The following RIMS1 variants were observed in gnomAD, a reference collection of about 807,000 sequenced individuals.
RIMS1 encodes the protein regulating synaptic membrane exocytosis protein 1.
A neutral mutation model predicts 214.1 loss-of-function variants in RIMS1; 83 were observed. The ratio of observed to expected loss-of-function variants is 0.39; its 90% CI spans 0.32 to 0.47. The LOEUF is 0.47. Ranked by LOEUF, RIMS1 falls within the 20% of genes least tolerant of loss-of-function variation. The pLI is 0.99. For missense variants in RIMS1, 2,050 were observed against 2,161.8 expected (o/e 0.95, Z 1.03); for synonymous variants, 793 against 786.8 (o/e 1.01, Z -0.13).
intron 26 of RIMS1, among the ~76,000 whole-genome samples, chr6:72,298,732 A>G: frequency 6.6e-6 from 1 of 151,962 alleles, no homozygotes; most frequent in East Asian, 1.9e-4. Context: ...ACCACTCAGC[A>G]CTGGGATTTT....
intron 29 of RIMS1, among the ~76,000 whole-genome samples, chr6:72,376,723 G>A (rs2098391784): frequency 6.6e-6 from 1 of 150,956 alleles, no homozygotes; most frequent in South Asian, 2.1e-4. Context: ...CTCCAGCCTG[G>A]GTGACAGAGA....
intron 6 of RIMS1, among the ~76,000 whole-genome samples, chr6:72,196,775 T>C (rs1446788804): frequency 6.6e-6 from 1 of 151,818 alleles, no homozygotes; most frequent in Non-Finnish European, 1.5e-5. Flanking sequence ...GAATATAGCG[T>C]GCTTTTCCAC....
intron 1 of RIMS1, among the ~76,000 whole-genome samples, chr6:71,917,665 G>C (rs140491131): frequency 1.8e-4 from 27 of 152,240 alleles, no homozygotes; most frequent in Non-Finnish European, 3.8e-4. Flanking sequence ...GATTCTGTCT[G>C]AAGAATATAC....
intron 2 of RIMS1, among the ~76,000 whole-genome samples, chr6:72,029,642 G>A (rs1173627896): frequency 6.6e-6 from 1 of 152,124 alleles, no homozygotes; most frequent in Admixed American, 6.6e-5. Flanking sequence ...ATTTTGTTAT[G>A]GAAGTCTGAA....
At chr6:72,288,862 T>C (rs2092851175) in intron 24 of RIMS1, among the ~76,000 whole-genome samples, 1 of 149,128 alleles carries the variant, frequency 6.7e-6, no homozygotes, top group Non-Finnish European at 1.5e-5. Flanking sequence ...TCTTTTATTA[T>C]TGAGGGACTT....
intron 2 of RIMS1, among the ~76,000 whole-genome samples, chr6:72,069,345 A>G (rs1830064990): frequency 6.6e-6 from 1 of 152,230 alleles, no homozygotes; most frequent in Admixed American, 6.5e-5. Context: ...CTGAACAGTC[A>G]GGGAGCTAAC....
intron 1 of RIMS1, among the ~76,000 whole-genome samples, chr6:71,905,595 G>A (rs1424529339): frequency 6.6e-6 from 1 of 151,498 alleles, no homozygotes; most frequent in Non-Finnish European, 1.5e-5. Context: ...TAAGCTACCT[G>A]TTTCCAAAAA....
chr6:72,129,546 T>A (rs2040122120), intron 4 of RIMS1, among the ~76,000 whole-genome samples: 3 of 152,150 alleles, frequency 2.0e-5, no homozygotes, highest in Admixed American at 2.0e-4. Flanking sequence ...TAGTAAGAAA[T>A]TTCTAACGTC....
chr6:72,274,431 A>G lies in RIMS1; in HGVS notation c.3481A>G (p.Arg1161Gly). Residue 1161 changes from arginine to glycine, a missense_variant and splice_region_variant, in exon 23 of 34, where the codon AGG (arginine) becomes GGG (glycine). By Grantham distance (125) the Arg-to-Gly change is moderately radical. Coordinates refer to ENST00000521978, the MANE Select transcript of RIMS1 (RefSeq NM_014989.7). ...QIQHASPEND[R>G]HSRKSERSSI... ...CCAGCATGCGTCTCCGGAGAATGAC[A>G]GGTACTAGTCAACTCCTCCTCACAG... The G allele has an allele frequency of 6.2e-7, 1 of 1,611,310 alleles. No homozygotes were observed. The highest frequency in any genetic ancestry group is 8.5e-7 in the Non-Finnish European group (1 of 1,177,588).
chr6:72,315,347 C>G (rs10455258), intron 28 of RIMS1, among the ~76,000 whole-genome samples: 1 of 152,236 alleles, frequency 6.6e-6, no homozygotes, highest in Admixed American at 6.5e-5. Flanking sequence ...TCTATTTTCT[C>G]TAAGCACTTT....
At chr6:72,058,999 A>T (rs1827121866) in intron 2 of RIMS1, among the ~76,000 whole-genome samples, 1 of 152,216 alleles carries the variant, frequency 6.6e-6, no homozygotes, top group South Asian at 2.1e-4. Context: ...TAATTTACTC[A>T]TTTAAACATA....
chr6:72,350,028 A>G (rs905954668), intron 29 of RIMS1, among the ~76,000 whole-genome samples: 1 of 152,090 alleles, frequency 6.6e-6, no homozygotes, highest in African/African-American at 2.4e-5. Flanking sequence ...TGAAGTAAAA[A>G]TTTACTCTCA....
chr6:72,030,797 A>G (rs577152445), intron 2 of RIMS1, among the ~76,000 whole-genome samples: 1 of 152,300 alleles, frequency 6.6e-6, no homozygotes. Context: ...TTCAATTGCT[A>G]ACTTTTATTT....
chr6:72,058,781 A>C (rs372311695), intron 2 of RIMS1, among the ~76,000 whole-genome samples: 1 of 152,224 alleles, frequency 6.6e-6, no homozygotes, highest in Non-Finnish European at 1.5e-5. Flanking sequence ...GCTTAACATG[A>C]ACATGAGAAA....
At chr6:72,034,421 CATGGTACAAGACCTGAGTTTTT>C (rs1819005518) in intron 2 of RIMS1, among the ~76,000 whole-genome samples, 1 of 151,976 alleles carries the variant, frequency 6.6e-6, no homozygotes, top group African/African-American at 2.4e-5. Context: ...AAGATATTTC[CATGGTACAAGACCTGAGTTTTT>C]TTAATCAGTA....
At chr6:72,310,352 A>T (rs1289754034) in intron 27 of RIMS1, among the ~76,000 whole-genome samples, 1 of 152,058 alleles carries the variant, frequency 6.6e-6, no homozygotes, top group Non-Finnish European at 1.5e-5. Context: ...TTTGCTTTTG[A>T]AAAAGCACAA....
intron 6 of RIMS1, among the ~76,000 whole-genome samples, chr6:72,230,721 G>A (rs1365163311): frequency 6.6e-6 from 1 of 151,506 alleles, no homozygotes; most frequent in Non-Finnish European, 1.5e-5. Context: ...GTGTAATTTA[G>A]CTGACTTTTA....
intron 4 of RIMS1, among the ~76,000 whole-genome samples, chr6:72,131,346 G>A (rs994523592): frequency 4.6e-5 from 7 of 152,258 alleles, no homozygotes; most frequent in African/African-American, 1.4e-4. Context: ...AACCTGCCCC[G>A]ATAGTCACGT....
intron 2 of RIMS1, among the ~76,000 whole-genome samples, chr6:71,990,313 A>C (rs553021706): frequency 6.6e-6 from 1 of 152,124 alleles, no homozygotes; most frequent in Non-Finnish European, 1.5e-5. Flanking sequence ...ACTTAATTGC[A>C]CGGTGAGGCT....
Sources: allele counts gnomAD v4.1 joint callset (sites outside exome capture counted in the v4.1 genomes callset), GRCh38; gene constraint gnomAD v4.1.1; transcripts MANE v1.5; gene names NCBI Gene and HGNC (gene_info 2026-07-23, HGNC 2026-07-21).